Variants in PRELID2 observed in about 807,000 individuals in gnomAD.
The protein encoded by PRELID2 is PRELI domain containing 2.
In PRELID2, 25 loss-of-function variants were observed where a neutral mutation model predicts 28.4. The ratio of observed to expected loss-of-function variants is 0.88; its 90% CI spans 0.64 to 1.23. The LOEUF is 1.23. Among genes scored for constraint, PRELID2 ranks in the 50% most tolerant of loss-of-function variants. PRELID2 has a pLI of 0.00. For missense variants in PRELID2, 201 were observed against 214.4 expected (o/e 0.94, Z 0.39); for synonymous variants, 76 against 71.6 (o/e 1.06, Z -0.31).
At chr5:145,346,349 G>A in the PRELID2 span, among the ~76,000 whole-genome samples, 24 of 152,242 alleles carry the variant, frequency 1.6e-4, no homozygotes, top group African/African-American at 5.8e-4. Flanking sequence ...GCTAAGATGT[G>A]TAAGATTGAC....
intron 5 of PRELID2, among the ~76,000 whole-genome samples, chr5:145,768,441 TGCCCCCATGGA>T: frequency 6.6e-6 from 1 of 152,318 alleles, no homozygotes; most frequent in East Asian, 1.9e-4. Context: ...AGATAGTTCC[TGCCCCCATGGA>T]GTTTACAGTC....
the PRELID2 span, among the ~76,000 whole-genome samples, chr5:145,395,776 G>C: frequency 3.3e-5 from 5 of 152,128 alleles, no homozygotes; most frequent in Admixed American, 6.6e-5. Context: ...GCAATGAGGT[G>C]TAAAGAACCC....
chr5:145,385,859 CAT>C, the PRELID2 span, among the ~76,000 whole-genome samples: 1 of 151,948 alleles, frequency 6.6e-6, no homozygotes, highest in Non-Finnish European at 1.5e-5. Flanking sequence ...AAACTGAAAA[CAT>C]ATTTTCTTTC....
chr5:145,535,089 C>A (rs1039937129), intron 1 of PRELID2, among the ~76,000 whole-genome samples: 1 of 151,862 alleles, frequency 6.6e-6, no homozygotes, highest in African/African-American at 2.4e-5. Flanking sequence ...CTCCCAGGAG[C>A]CATATTTGTA....
At chr5:145,409,033 C>G in the PRELID2 span, among the ~76,000 whole-genome samples, 1 of 152,074 alleles carries the variant, frequency 6.6e-6, no homozygotes, top group Non-Finnish European at 1.5e-5. Flanking sequence ...AGCAGAAACC[C>G]TACAAGCCAG....
chr5:145,605,194 A>G (rs957614272), intron 1 of PRELID2, among the ~76,000 whole-genome samples: 1 of 151,726 alleles, frequency 6.6e-6, no homozygotes, highest in Admixed American at 6.6e-5. Context: ...TCATTTGTCA[A>G]TTTTTGTATT....
chr5:145,526,844 C>T (rs2126656509), intron 1 of PRELID2, among the ~76,000 whole-genome samples: 1 of 152,246 alleles, frequency 6.6e-6, no homozygotes, highest in Non-Finnish European at 1.5e-5. Context: ...ATAAGATTTT[C>T]TCTTTGGGAG....
At chr5:145,330,918 T>G in the PRELID2 span, among the ~76,000 whole-genome samples, 2 of 150,202 alleles carry the variant, frequency 1.3e-5, no homozygotes, top group Non-Finnish European at 3.0e-5. Context: ...TTTAGTGCTA[T>G]AAATTTCCCT....
intron 1 of PRELID2, among the ~76,000 whole-genome samples, chr5:145,598,783 A>C (rs1753347361): frequency 2.0e-5 from 3 of 152,192 alleles, no homozygotes; most frequent in Admixed American, 6.5e-5. Flanking sequence ...AAAGAAGAAT[A>C]TATATCACAA....
chr5:145,821,231 A>T (rs76285472), intron 2 of PRELID2, among the ~76,000 whole-genome samples: 1 of 34,280 alleles, frequency 2.9e-5, no homozygotes, highest in African/African-American at 9.1e-5. Context: ...GTGTGTGTGT[A>T]TGTGTGTGTA....
At chr5:145,548,644 T>C (rs1013897089) in intron 1 of PRELID2, among the ~76,000 whole-genome samples, 4 of 152,132 alleles carry the variant, frequency 2.6e-5, no homozygotes, top group African/African-American at 9.7e-5. Flanking sequence ...GCCACTTCTG[T>C]CCATCCTTGT....
the PRELID2 span, among the ~76,000 whole-genome samples, chr5:145,255,786 C>CTA: frequency 4.4e-4 from 66 of 149,550 alleles, no homozygotes; most frequent in African/African-American, 1.4e-3. Context: ...GTCTCAAAAA[C>CTA]TATATATATA....
intron 1 of PRELID2, among the ~76,000 whole-genome samples, chr5:145,617,775 C>G (rs1318488013): frequency 6.6e-6 from 1 of 150,824 alleles, no homozygotes; most frequent in Non-Finnish European, 1.5e-5. Flanking sequence ...CTCTTATTGC[C>G]CAGGCTGGAG....
chr5:145,345,682 T>C, the PRELID2 span, among the ~76,000 whole-genome samples: 27 of 152,130 alleles, frequency 1.8e-4, no homozygotes, highest in Non-Finnish European at 3.7e-4. Flanking sequence ...GTGAAGTGCT[T>C]TGAAGGAAAA....
At chr5:145,260,248 A>C in the PRELID2 span, among the ~76,000 whole-genome samples, 1 of 152,192 alleles carries the variant, frequency 6.6e-6, no homozygotes, top group Non-Finnish European at 1.5e-5. Context: ...ACCCAGTCCC[A>C]GGTATTTCTT....
intron 1 of PRELID2, among the ~76,000 whole-genome samples, chr5:145,718,585 C>T (rs908675262): frequency 6.6e-6 from 1 of 151,766 alleles, no homozygotes; most frequent in African/African-American, 2.4e-5. Flanking sequence ...AATAAAGACC[C>T]ATGCTTAGCT....
intron 1 of PRELID2, among the ~76,000 whole-genome samples, chr5:145,585,507 G>GT: frequency 6.6e-6 from 1 of 152,132 alleles, no homozygotes; most frequent in South Asian, 2.1e-4. Flanking sequence ...TAGTGCTATG[G>GT]TTAGAATTAC....
chr5:145,586,131 A>C (rs748574763), intron 1 of PRELID2, among the ~76,000 whole-genome samples: 1 of 152,062 alleles, frequency 6.6e-6, no homozygotes, highest in Non-Finnish European at 1.5e-5. Context: ...GAAAAAATGC[A>C]GGGGACAGAA....
the PRELID2 span, among the ~76,000 whole-genome samples, chr5:145,438,654 AC>A: frequency 2.6e-5 from 4 of 152,096 alleles, no homozygotes; most frequent in African/African-American, 9.7e-5. Flanking sequence ...AATAGCACAA[AC>A]TTTTCTGTTA....
Sources: allele counts gnomAD v4.1 joint callset (sites outside exome capture counted in the v4.1 genomes callset), GRCh38; gene constraint gnomAD v4.1.1; transcripts MANE v1.5; gene names NCBI Gene and HGNC (gene_info 2026-07-23, HGNC 2026-07-21).